PFKFB2: variants seen among roughly 807,000 people sequenced by gnomAD.
PFKFB2 encodes 6-phosphofructo-2-kinase/fructose-2,6-bisphosphatase 2.
A neutral mutation model predicts 68.0 loss-of-function variants in PFKFB2; 53 were observed. The observed-to-expected ratio is 0.78, with a 90% CI of 0.63 to 0.98. The LOEUF (loss-of-function observed/expected upper bound fraction) is 0.98. Among genes scored for constraint, PFKFB2 ranks in the 50% least tolerant of loss-of-function variants. The pLI, the probability that PFKFB2 is intolerant of heterozygous loss-of-function variation, is 0.00. For missense variants in PFKFB2, 451 were observed against 642.0 expected (o/e 0.70, Z 3.22); for synonymous variants, 222 against 227.6 (o/e 0.98, Z 0.22).
In PFKFB2 at chr1:207,074,819, G is replaced by A. The variant is rs1306071318; in HGVS notation, c.*2448G>A. On this transcript the variant is annotated 3_prime_UTR_variant, in exon 15 of 15. Transcript: ENST00000367080. ...CATTTGCAATATAGCAACAGTCTGA[G>A]TCTAGAAGTGTTCAACCATCACATC... 3.0e-6 allele frequency: 3 copies of A among 985,344 alleles called. No homozygotes were observed. The highest frequency in any genetic ancestry group is 3.6e-6 in the Non-Finnish European group (3 of 829,924). 61.0% of individuals were successfully genotyped at this position (985,344 alleles called of 1,614,324 possible).
chr1:207,045,417 T>C (rs1004739887), intron 2 of PFKFB2: 2 of 152,508 alleles, frequency 1.3e-5, no homozygotes, highest in African/African-American at 2.4e-5. Flanking sequence ...AATCTTTGAT[T>C]AAGAAGAGCT....
intron 2 of PFKFB2, chr1:207,045,655 T>C (rs184092237): frequency 4.2e-4 from 64 of 152,140 alleles, no homozygotes; most frequent in African/African-American, 1.5e-3. Context: ...CCATTTTTTT[T>C]CCCAAAAAGA....
downstream of PFKFB2, chr1:207,079,071 AG>A: frequency 6.8e-7 from 1 of 1,467,674 alleles, no homozygotes; most frequent in Non-Finnish European, 9.5e-7. Flanking sequence ...TCTACTGAAA[AG>A]CTTGGGATGT....
At chr1:207,053,908 T>G (rs1387763606) in intron 1 of PFKFB2, among the ~76,000 whole-genome samples, 1 of 140,410 alleles carries the variant, frequency 7.1e-6, no homozygotes, top group African/African-American at 2.7e-5. Flanking sequence ...TTTTTCATTT[T>G]TTTTTTTTTT....
chr1:207,063,988 A>G lies in PFKFB2; in HGVS notation c.507+159A>G, dbSNP rs1252794294. ...TTAACATCACAAAGAGATCTTTTCTATCTGCCAGAGCCCCATCTGGTACTT... is the reference window on the plus strand; with the variant it reads ...TTAACATCACAAAGAGATCTTTTCTGTCTGCCAGAGCCCCATCTGGTACTT... On this transcript the variant is annotated intron_variant, in intron 7 of 14. Transcript: ENST00000367080. The surrounding 1 kb of genome is among the most constrained non-coding windows in gnomAD (Gnocchi z 4.1). Among the ~76,000 whole-genome samples, 1 of 151,992 alleles carries G rather than the reference A, an allele frequency of 6.6e-6. No individual in the cohort carries two copies. Among genetic ancestry groups the G allele is most frequent in the South Asian group, 2.1e-4 (1 of 4,808 alleles).
chr1:207,052,658 A>G (rs542148604), upstream of PFKFB2, among the ~76,000 whole-genome samples: 1 of 152,152 alleles, frequency 6.6e-6, no homozygotes, highest in Non-Finnish European at 1.5e-5. Context: ...ATCTCAAAAA[A>G]CAAAAACCAA....
chr1:207,064,980 G>A, intron 7 of PFKFB2, 56 bp from the exon 8 acceptor site: 1 of 1,563,084 alleles, frequency 6.4e-7, no homozygotes, highest in African/African-American at 1.4e-5. Context: ...CTATTTGTAG[G>A]AGGACTGTTA....
Position 207,077,699 on chromosome 1 carries a change from A to T in PFKFB2, c.*5328A>T. The T allele has an allele frequency of 1.0e-6, 1 of 985,790 alleles. No homozygotes were observed. Among genetic ancestry groups the T allele is most frequent in the Non-Finnish European group, 1.2e-6 (1 of 829,840 alleles). 61.1% of individuals were successfully genotyped at this position (985,790 alleles called of 1,614,324 possible). A position where few individuals can be genotyped will look rare whatever the true frequency, so the allele number is the denominator to read the frequency against. ...CAACATTCTGATTTAATCGGGTGACACTGATAACAAAGTATGCCACTCAGA... is the reference window on the plus strand; with the variant it reads ...CAACATTCTGATTTAATCGGGTGACTCTGATAACAAAGTATGCCACTCAGA... On this transcript the variant is annotated 3_prime_UTR_variant, in exon 15 of 15. Transcript: ENST00000367080.
At chr1:207,067,367 A>G (rs1683321994) in intron 8 of PFKFB2, 132 bp from the exon 9 acceptor site, 1 of 638,556 alleles carries the variant, frequency 1.6e-6, no homozygotes, top group South Asian at 1.9e-5. Context: ...GGTTCCATAA[A>G]CGTGGGTGTG....
chr1:207,072,120 G>C, intron 14 of PFKFB2, 84 bp from the exon 15 acceptor site: 4 of 1,551,144 alleles, frequency 2.6e-6, no homozygotes, highest in Non-Finnish European at 3.5e-6. Flanking sequence ...GGAAGCTGTT[G>C]TGGTTACAAG....
intron 2 of PFKFB2, among the ~76,000 whole-genome samples, chr1:207,042,871 T>C (rs972100847): frequency 2.0e-5 from 3 of 152,292 alleles, no homozygotes; most frequent in African/African-American, 7.2e-5. Flanking sequence ...TGGATTTACA[T>C]TATCTGTAAA....
upstream of PFKFB2, chr1:207,049,871 A>G: frequency 2.8e-6 from 2 of 710,516 alleles, no homozygotes; most frequent in East Asian, 5.5e-5. Flanking sequence ...GTAAGTTACC[A>G]GTAAGAATCT....
upstream of PFKFB2, chr1:207,051,136 C>T (rs936212200): frequency 2.8e-5 from 40 of 1,421,948 alleles, no homozygotes; most frequent in African/African-American, 1.0e-4. Flanking sequence ...TGATTTTTCC[C>T]CCACCCTCAG....
Position 207,076,516 on chromosome 1 carries a change from G to A in PFKFB2, c.*4145G>A, listed in dbSNP as rs774968072. 486 of 976,628 alleles carry A rather than the reference G, an allele frequency of 5.0e-4. No individual in the cohort carries two copies. The highest frequency in any genetic ancestry group is 5.5e-4 in the Non-Finnish European group (458 of 826,606). 60.5% of individuals were successfully genotyped at this position (976,628 alleles called of 1,614,324 possible). On this transcript the variant is annotated 3_prime_UTR_variant, in exon 15 of 15. Coordinates refer to ENST00000367080, the MANE Select transcript of PFKFB2 (RefSeq NM_006212.2). ...ACAACTGAGTCGGGTTGCAGCACTGGTGGGGTAGAATCGACTTTCCCTGAA... is the reference window on the plus strand; with the variant it reads ...ACAACTGAGTCGGGTTGCAGCACTGATGGGGTAGAATCGACTTTCCCTGAA...
At chr1:207,078,910 G>C, downstream of PFKFB2, 3 of 1,521,350 alleles carry the variant, frequency 2.0e-6, no homozygotes, top group Non-Finnish European at 2.7e-6. Flanking sequence ...TCGCTGCTTG[G>C]CAGTGCTGTA....
At chr1:207,062,429 C>A in intron 3 of PFKFB2, 191 bp from the exon 4 acceptor site, 2 of 828,890 alleles carry the variant, frequency 2.4e-6, no homozygotes, top group Non-Finnish European at 3.8e-6. Context: ...CAGCTTAAGA[C>A]TTGTCCAAGG....
At chr1:207,056,002 C>T (rs564939551) in intron 2 of PFKFB2, among the ~76,000 whole-genome samples, 2 of 152,266 alleles carry the variant, frequency 1.3e-5, no homozygotes, top group South Asian at 2.1e-4. Context: ...CCTCTGGAGT[C>T]AGACTGCCTG....
intron 1 of PFKFB2, among the ~76,000 whole-genome samples, chr1:207,037,374 T>C (rs1682396096): frequency 6.6e-6 from 1 of 152,238 alleles, no homozygotes; most frequent in South Asian, 2.1e-4. Flanking sequence ...TTCCCTTACC[T>C]GGCTCCTTAA....
Position 207,076,251 on chromosome 1 carries a change from T to TA in PFKFB2, c.*3880_*3881insA. 1.0e-6 allele frequency: 1 copy of TA among 960,478 alleles called. No individual in the cohort carries two copies. Among genetic ancestry groups the TA allele is most frequent in the Non-Finnish European group, 1.2e-6 (1 of 807,888 alleles). The allele number at this position is 960,478 out of a possible 1,614,324, so 59.5% of individuals were successfully genotyped here. A position where few individuals can be genotyped will look rare whatever the true frequency, so the allele number is the denominator to read the frequency against. On this transcript the variant is annotated 3_prime_UTR_variant, in exon 15 of 15. Transcript: ENST00000367080. ...AAATTCATCTATGTTACTTTTTTTT[T>TA]CTTTTTTTTTTTTTTTTATGAGCAG...
Sources: allele counts gnomAD v4.1 joint callset (sites outside exome capture counted in the v4.1 genomes callset), GRCh38; gene constraint gnomAD v4.1.1; non-coding constraint Gnocchi (gnomAD v3.1); transcripts MANE v1.5; gene names NCBI Gene and HGNC (gene_info 2026-07-23, HGNC 2026-07-21).